EEFSEC: variants seen among roughly 807,000 people sequenced by gnomAD.
EEFSEC encodes the protein selenocysteine-specific elongation factor.
Under a neutral mutation model 42.1 loss-of-function variants are expected in EEFSEC, and 43 were observed. The ratio of observed to expected loss-of-function variants is 1.02; its 90% CI spans 0.80 to 1.32. The LOEUF (loss-of-function observed/expected upper bound fraction) is 1.32, where lower values mean the gene tolerates loss of function less well. Ranked by LOEUF, EEFSEC falls within the 40% of genes most tolerant of loss-of-function variation. The probability of loss-of-function intolerance (pLI) is 0.00; values close to 1 mark genes in which losing one functional copy is unlikely to be tolerated. For missense variants in EEFSEC, 745 were observed against 803.6 expected, an observed-to-expected ratio of 0.93 and a Z score of 0.88; for synonymous variants, 354 against 339.1, an observed-to-expected ratio of 1.04 and a Z score of -0.48.
chr3:128,368,444 CAAAAAAAAA>C (rs531725881), intron 6 of EEFSEC, among the ~76,000 whole-genome samples: 2 of 46,470 alleles, frequency 4.3e-5, no homozygotes, highest in Admixed American at 2.5e-4. Flanking sequence ...CCAAAAAAAA[CAAAAAAAAA>C]AAAACAAAAA....
At chr3:128,182,875 G>A (rs755095715) in intron 1 of EEFSEC, among the ~76,000 whole-genome samples, 1 of 123,424 alleles carries the variant, frequency 8.1e-6, no homozygotes, top group African/African-American at 3.3e-5. Flanking sequence ...CAGCCACAGA[G>A]ATCGGGGCGG....
intron 1 of EEFSEC, among the ~76,000 whole-genome samples, chr3:128,155,209 G>A (rs1944356419): frequency 6.6e-6 from 1 of 151,848 alleles, no homozygotes; most frequent in South Asian, 2.1e-4. Context: ...CTTTCTCCCC[G>A]GTTCAAGCGA....
chr3:128,201,079 T>A (rs1189423721), intron 1 of EEFSEC, among the ~76,000 whole-genome samples: 2 of 152,242 alleles, frequency 1.3e-5, no homozygotes, highest in Admixed American at 1.3e-4. Flanking sequence ...ATGTTTACTT[T>A]AAACAGACTA....
At chr3:128,246,707 A>C (rs2066131337) in intron 1 of EEFSEC, 129 bp from the exon 2 acceptor site, 4 of 955,620 alleles carry the variant, frequency 4.2e-6, no homozygotes, top group Non-Finnish European at 6.5e-6. Context: ...TGTAGCCAGA[A>C]GCTGTGTAGT....
chr3:128,236,126 AC>A lies in EEFSEC; in HGVS notation c.317-10709del, dbSNP rs1432598421. On this transcript the variant is annotated intron_variant, in intron 1 of 6. Transcript: ENST00000254730. ...ATTACGCAGCAACACCAGGCACGCA[AC>A]ACCCCATCCGGCTAATTTTGTATTT... 3.3e-5 allele frequency among the ~76,000 whole-genome samples: 5 copies of A among 152,128 alleles called. No individual in the cohort carries two copies. The East Asian group carries it at 9.6e-4, about 29-fold the overall frequency.
intron 1 of EEFSEC, among the ~76,000 whole-genome samples, chr3:128,165,546 A>G (rs573779773): frequency 2.0e-5 from 3 of 152,118 alleles, no homozygotes; most frequent in Non-Finnish European, 4.4e-5. Context: ...AGGAGAAAAA[A>G]CAACTTTTGC....
chr3:128,217,035 A>G (rs1288900851), intron 1 of EEFSEC, among the ~76,000 whole-genome samples: 1 of 152,220 alleles, frequency 6.6e-6, no homozygotes, highest in Non-Finnish European at 1.5e-5. Context: ...ATTTATATTT[A>G]TCATGAAGTA....
At chr3:128,269,461 G>C (rs1416299261) in intron 4 of EEFSEC, among the ~76,000 whole-genome samples, 6 of 152,278 alleles carry the variant, frequency 3.9e-5, no homozygotes, top group Admixed American at 6.5e-5. Context: ...TTGGTGGCCA[G>C]TGCCTATTGG....
At chr3:128,399,660 G>C (rs1366916424) in intron 6 of EEFSEC, among the ~76,000 whole-genome samples, 1 of 152,052 alleles carries the variant, frequency 6.6e-6, no homozygotes, top group African/African-American at 2.4e-5. Context: ...CTGACAAAGA[G>C]GTGGCTGGAG....
intron 6 of EEFSEC, among the ~76,000 whole-genome samples, chr3:128,403,460 T>C (rs2068071822): frequency 6.6e-6 from 1 of 152,178 alleles, no homozygotes; most frequent in Admixed American, 6.5e-5. Context: ...GGCCCTGTCC[T>C]GCCTGCCTTG....
At chr3:128,247,937 G>A (rs1353760439) in intron 2 of EEFSEC, among the ~76,000 whole-genome samples, 1 of 152,212 alleles carries the variant, frequency 6.6e-6, no homozygotes, top group Non-Finnish European at 1.5e-5. Flanking sequence ...CACAGCCCTG[G>A]TGAAGCAATT....
At chr3:128,190,169 T>C (rs1302748011) in intron 1 of EEFSEC, among the ~76,000 whole-genome samples, 2 of 152,216 alleles carry the variant, frequency 1.3e-5, no homozygotes, top group Admixed American at 1.3e-4. Flanking sequence ...AGCCGCTCCT[T>C]CTACTTCTAA....
the EEFSEC span, among the ~76,000 whole-genome samples, chr3:128,425,296 G>C: frequency 6.6e-6 from 1 of 152,206 alleles, no homozygotes; most frequent in African/African-American, 2.4e-5. Flanking sequence ...TTCCAGCAAG[G>C]CTTCCTGGCC....
intron 1 of EEFSEC, among the ~76,000 whole-genome samples, chr3:128,161,228 A>G (rs765872414): frequency 3.9e-4 from 59 of 152,176 alleles, no homozygotes; most frequent in Non-Finnish European, 7.5e-4. Context: ...TAAATCTTTC[A>G]GGGTTACAAC....
At chr3:128,286,217 C>T (rs922454426) in intron 4 of EEFSEC, among the ~76,000 whole-genome samples, 3 of 152,270 alleles carry the variant, frequency 2.0e-5, no homozygotes, top group East Asian at 1.9e-4. Flanking sequence ...AGGGACATTC[C>T]CAGAGCATTT....
chr3:128,186,784 A>T (rs2065469421), intron 1 of EEFSEC, among the ~76,000 whole-genome samples: 1 of 152,140 alleles, frequency 6.6e-6, no homozygotes, highest in African/African-American at 2.4e-5. Context: ...GTCTAGCCTT[A>T]TTCTGAACTA....
At chr3:128,189,035 G>A (rs572548098) in intron 1 of EEFSEC, among the ~76,000 whole-genome samples, 2 of 151,942 alleles carry the variant, frequency 1.3e-5, no homozygotes, top group Non-Finnish European at 2.9e-5. Context: ...CCTTTACATG[G>A]GGGGGGCTCC....
chr3:128,313,359 T>C (rs1005884531), intron 4 of EEFSEC, among the ~76,000 whole-genome samples: 1 of 152,278 alleles, frequency 6.6e-6, no homozygotes, highest in African/African-American at 2.4e-5. Flanking sequence ...GTTGCACTCA[T>C]GTTTCTGGTC....
rs552584608 is a variant in EEFSEC, at chr3:128,408,120, G to C, written c.1652G>C (p.Arg551Pro). ...ATCCTGACACCCGCCCTCAAGAAGC[G>C]GGCCCGGGCTGGCCGTGGGGAGGCC... ...KKILTPALKK[R>P]ARAGRGEATR... Residue 551 changes from arginine to proline, a missense_variant, in exon 7 of 7, where the codon CGG becomes CCG. Arg to Pro is a moderately radical substitution (Grantham distance 103). Transcript: ENST00000254730. 4.4e-6 allele frequency: 7 copies of C among 1,607,248 alleles called. No homozygotes were observed. Among genetic ancestry groups the C allele is most frequent in the Non-Finnish European group, 1.7e-6 (2 of 1,176,662 alleles).
Sources: allele counts gnomAD v4.1 joint callset (sites outside exome capture counted in the v4.1 genomes callset), GRCh38; gene constraint gnomAD v4.1.1; transcripts MANE v1.5; gene names NCBI Gene and HGNC (gene_info 2026-07-23, HGNC 2026-07-21).